CCSER1: variants seen among roughly 807,000 people sequenced by gnomAD.
CCSER1 encodes serine-rich coiled-coil domain-containing protein 1.
Under a neutral mutation model 82.0 loss-of-function variants are expected in CCSER1, and 41 were observed. That is an observed-to-expected ratio of 0.50 (90% CI 0.39 to 0.65). The LOEUF is 0.65. CCSER1 is among the 30% of genes least tolerant of loss of function. CCSER1 has a pLI of 0.00. For synonymous variants in CCSER1, 414 were observed against 383.9 expected (o/e 1.08, Z -0.92); for missense variants, 1,119 against 1,064.2 (o/e 1.05, Z -0.72).
At chr4:90,455,076 T>C (rs1250889327) in intron 4 of CCSER1, among the ~76,000 whole-genome samples, 1 of 152,132 alleles carries the variant, frequency 6.6e-6, no homozygotes, top group Non-Finnish European at 1.5e-5. Context: ...TTTTCTGAAA[T>C]TGCCACCAGG....
At chr4:90,367,906 A>G (rs1364168884) in intron 3 of CCSER1, among the ~76,000 whole-genome samples, 1 of 151,944 alleles carries the variant, frequency 6.6e-6, no homozygotes, top group African/African-American at 2.4e-5. Context: ...ACTATTTACT[A>G]ATATAGAAAA....
chr4:90,476,022 GT>G (rs1765038330), intron 5 of CCSER1, among the ~76,000 whole-genome samples: 1 of 46,092 alleles, frequency 2.2e-5, no homozygotes, highest in African/African-American at 3.9e-5. Flanking sequence ...TTCTTTTCTC[GT>G]GTGTGTGTGT....
chr4:90,141,458 A>G (rs930188401), intron 1 of CCSER1, among the ~76,000 whole-genome samples: 1 of 152,240 alleles, frequency 6.6e-6, no homozygotes, highest in Non-Finnish European at 1.5e-5. Flanking sequence ...ATGTTAGTGT[A>G]TACATTTTCT....
chr4:91,233,122 G>A (rs1738749100), intron 10 of CCSER1, among the ~76,000 whole-genome samples: 1 of 151,372 alleles, frequency 6.6e-6, no homozygotes, highest in Non-Finnish European at 1.5e-5. Context: ...AAGAGAAAGA[G>A]AGAAAGAGAG....
In CCSER1 at chr4:90,732,207, A is replaced by G. The variant is rs565768569; in HGVS notation, c.2010+8216A>G. ...CCCTAGGGTGAATGTTCCACAGGAA[A>G]AGAAAGGGAAACATGTCAGTCTAAT... On this transcript the variant is annotated intron_variant, in intron 7 of 10. Coordinates refer to ENST00000509176, the MANE Select transcript of CCSER1 (RefSeq NM_001145065.2). 2.6e-5 allele frequency among the ~76,000 whole-genome samples: 4 copies of G among 152,258 alleles called. No homozygotes were observed. In the East Asian group the frequency reaches 7.7e-4, roughly 29 times the overall value.
rs556250405 is a variant in CCSER1 at position 90,765,636 on chromosome 4, T to C, written c.2010+41645T>C. Among the ~76,000 whole-genome samples the C allele has an allele frequency of 1.4e-3, 211 of 152,242 alleles. 2 individuals carry two copies. The highest frequency in any genetic ancestry group is 4.9e-3 in the African/African-American group (205 of 41,562). On this transcript the variant is annotated intron_variant, in intron 7 of 10. Coordinates refer to ENST00000509176, the MANE Select transcript of CCSER1 (RefSeq NM_001145065.2). ...TTACTCTTTGTCAGTCACTCCACTA[T>C]AGACAGGGTTGCAAAGTCAATTAAG...
chr4:91,295,865 G>T (rs974009262), intron 10 of CCSER1, among the ~76,000 whole-genome samples: 2 of 151,762 alleles, frequency 1.3e-5, no homozygotes, highest in Admixed American at 1.3e-4. Flanking sequence ...TGTTTTAAAA[G>T]CCATTTGAGT....
Position 91,046,689 on chromosome 4 carries a change from TTTGTTG to T in CCSER1, c.2173-39240_2173-39235del, listed in dbSNP as rs547912496. Reference sequence around the variant, plus strand: ...ACAAGAGGGAGAGGATAATATGTTTTTTGTTGTTGTTGTTGTTGTTGTTGTTTTGTT... The same window carrying T: ...ACAAGAGGGAGAGGATAATATGTTTTTTGTTGTTGTTGTTGTTGTTTTGTT... On this transcript the variant is annotated intron_variant, in intron 9 of 10. Coordinates refer to ENST00000509176, the MANE Select transcript of CCSER1 (RefSeq NM_001145065.2). 1.6e-4 allele frequency among the ~76,000 whole-genome samples: 24 copies of T among 151,722 alleles called. No individual in the cohort carries two copies. The East Asian group carries it at 2.3e-3, about 15-fold the overall frequency.
At chr4:91,595,943 T>TAAAAAAAAAAAAAA (rs1170927227) in intron 10 of CCSER1, among the ~76,000 whole-genome samples, 1 of 78,888 alleles carries the variant, frequency 1.3e-5, no homozygotes, top group Non-Finnish European at 2.3e-5. Context: ...ACAGAGAACT[T>TAAAAAAAAAAAAAA]AAAAAAAAAA....
At chr4:91,180,715 C>T (rs1361784476) in intron 10 of CCSER1, among the ~76,000 whole-genome samples, 2 of 149,474 alleles carry the variant, frequency 1.3e-5, no homozygotes, top group African/African-American at 2.6e-5. Flanking sequence ...GAGACCCTAA[C>T]TCAGCGGCAC....
At chr4:91,307,362 T>G (rs75288413) in intron 10 of CCSER1, among the ~76,000 whole-genome samples, 59 of 10,320 alleles carry the variant, frequency 5.7e-3, no homozygotes, top group African/African-American at 0.029. Flanking sequence ...TCTATGATGC[T>G]TTTTTTTCTT....
intron 4 of CCSER1, among the ~76,000 whole-genome samples, chr4:90,445,747 T>A (rs1363866398): frequency 6.6e-6 from 1 of 152,174 alleles, no homozygotes; most frequent in East Asian, 1.9e-4. Flanking sequence ...TCTTCTTCCC[T>A]ATTAGATAGC....
At chr4:91,119,552 AC>A (rs1726912628) in intron 10 of CCSER1, among the ~76,000 whole-genome samples, 1 of 152,006 alleles carries the variant, frequency 6.6e-6, no homozygotes, top group African/African-American at 2.4e-5. Context: ...TGCTTTTATA[AC>A]CAAAACACAG....
At chr4:90,705,881 C>T (rs946316037) in intron 6 of CCSER1, among the ~76,000 whole-genome samples, 12 of 152,200 alleles carry the variant, frequency 7.9e-5, no homozygotes, top group African/African-American at 2.9e-4. Flanking sequence ...TCACAGCTTC[C>T]CTTTGCTAGG....
At chr4:90,901,243 C>T (rs917331459) in intron 8 of CCSER1, among the ~76,000 whole-genome samples, 14 of 150,870 alleles carry the variant, frequency 9.3e-5, no homozygotes, top group South Asian at 2.1e-4. Flanking sequence ...TTTTTTAATC[C>T]GATTTTCCAT....
intron 9 of CCSER1, among the ~76,000 whole-genome samples, chr4:91,076,879 T>G (rs1167068101): frequency 6.6e-6 from 1 of 152,160 alleles, no homozygotes; most frequent in Non-Finnish European, 1.5e-5. Context: ...TCAAATTTTG[T>G]AGTTGAGAAG....
At chr4:91,573,112 T>C (rs12644168) in intron 10 of CCSER1, among the ~76,000 whole-genome samples, 8,804 of 152,180 alleles carry the variant, frequency 0.058, 271 homozygotes, top group Middle Eastern at 0.078. Context: ...TCTGACCACA[T>C]TGTGGTAGAG....
intron 10 of CCSER1, among the ~76,000 whole-genome samples, chr4:91,180,731 G>A (rs1733939995): frequency 6.6e-6 from 1 of 152,144 alleles, no homozygotes; most frequent in Non-Finnish European, 1.5e-5. Flanking sequence ...GGCACTAGAG[G>A]AATTAAAGAC....
rs571165532 is a variant in CCSER1, at chr4:91,027,102, G to A, written c.2173-58848G>A. 1.1e-4 allele frequency among the ~76,000 whole-genome samples: 16 copies of A among 152,044 alleles called. 1 individual carries two copies. The South Asian group carries it at 3.3e-3, about 32-fold the overall frequency. On this transcript the variant is annotated intron_variant, in intron 9 of 10. Coordinates refer to ENST00000509176, the MANE Select transcript of CCSER1 (RefSeq NM_001145065.2). ...ATTAGTAACTACCCATGTAGAACTG[G>A]GCAAGATCAAAGAGGGCTGCCAGGT...
Sources: allele counts gnomAD v4.1 joint callset (sites outside exome capture counted in the v4.1 genomes callset), GRCh38; gene constraint gnomAD v4.1.1; transcripts MANE v1.5; gene names NCBI Gene and HGNC (gene_info 2026-07-23, HGNC 2026-07-21).